The following PEBP4 variants were observed in gnomAD, a reference collection of about 807,000 sequenced individuals.
The protein encoded by PEBP4 is phosphatidylethanolamine binding protein 4, also known as phosphatidylethanolamine-binding protein 4.
In PEBP4, 22 loss-of-function variants were observed where a neutral mutation model predicts 23.9. The observed-to-expected ratio is 0.92, with a 90% confidence interval of 0.66 to 1.31. PEBP4 has a LOEUF of 1.31. Among genes scored for constraint, PEBP4 ranks in the 40% most tolerant of loss-of-function variants. The probability of loss-of-function intolerance (pLI) is 0.00; values close to 1 mark genes in which losing one functional copy is unlikely to be tolerated. For missense variants in PEBP4, 324 were observed against 281.7 expected, an observed-to-expected ratio of 1.15 and a Z score of -1.07; for synonymous variants, 112 against 99.3, an observed-to-expected ratio of 1.13 and a Z score of -0.76.
At chr8:22,774,014 C>T (rs1411400521) in intron 4 of PEBP4, among the ~76,000 whole-genome samples, 1 of 152,154 alleles carries the variant, frequency 6.6e-6, no homozygotes, top group Non-Finnish European at 1.5e-5. Context: ...CTCCAACCTC[C>T]GAGATACTCA....
At chr8:22,916,652 A>ATTCC (rs1254444529) in intron 3 of PEBP4, among the ~76,000 whole-genome samples, 73 of 150,012 alleles carry the variant, frequency 4.9e-4, no homozygotes, top group African/African-American at 1.6e-3. Context: ...CATGTCATTC[A>ATTCC]TTCATTCATT....
intron 4 of PEBP4, chr8:22,745,687 C>G (rs1805098422): frequency 6.6e-6 from 1 of 152,266 alleles, no homozygotes; most frequent in Admixed American, 6.5e-5. Context: ...TGCCTCTCCT[C>G]TGCCTGAGAG....
chr8:22,779,083 G>A (rs1805868897), intron 4 of PEBP4, among the ~76,000 whole-genome samples: 2 of 140,286 alleles, frequency 1.4e-5, no homozygotes, highest in Middle Eastern at 3.6e-3. Flanking sequence ...GGAGGTGGGG[G>A]AGGAGGGGGA....
chr8:22,860,207 C>CATATATATGTATATATATAT lies in PEBP4; in HGVS notation c.259-42473_259-42472insATATATATATACATATATAT, dbSNP rs1222128699. Among the ~76,000 whole-genome samples, 9 of 135,864 alleles carry CATATATATGTATATATATAT rather than the reference C, an allele frequency of 6.6e-5. 1 individual carries two copies. Among genetic ancestry groups the CATATATATGTATATATATAT allele is most frequent in the Admixed American group, 1.5e-4 (2 of 13,564 alleles). The allele number at this position is 135,864 out of a possible 152,430, so 89.1% of individuals were successfully genotyped here. ...ACATATATATGTATATATATATATA[C>CATATATATGTATATATATAT]ACATATATGTATATATATATATGGT... On this transcript the variant is annotated intron_variant, in intron 3 of 6. Coordinates refer to ENST00000256404, the MANE Select transcript of PEBP4 (RefSeq NM_144962.3).
chr8:22,789,744 C>T (rs1806098904), intron 4 of PEBP4, among the ~76,000 whole-genome samples: 1 of 152,202 alleles, frequency 6.6e-6, no homozygotes, highest in Non-Finnish European at 1.5e-5. Context: ...TGGATGCTCA[C>T]CTTGTCAAAC....
chr8:22,810,199 C>T (rs899698863), intron 4 of PEBP4, among the ~76,000 whole-genome samples: 1 of 152,178 alleles, frequency 6.6e-6, no homozygotes, highest in Non-Finnish European at 1.5e-5. Flanking sequence ...AATAGGCTAG[C>T]CTTTCCTACT....
At chr8:22,733,912 T>A (rs1804795059) in intron 4 of PEBP4, among the ~76,000 whole-genome samples, 1 of 151,058 alleles carries the variant, frequency 6.6e-6, no homozygotes, top group Non-Finnish European at 1.5e-5. Flanking sequence ...CAGAAAGGTG[T>A]CATGGAGATA....
At chr8:22,816,329 C>A (rs926789993) in intron 4 of PEBP4, among the ~76,000 whole-genome samples, 3 of 152,182 alleles carry the variant, frequency 2.0e-5, no homozygotes, top group Admixed American at 6.5e-5. Context: ...TCTAAGGATG[C>A]CTGTCCACCT....
At chr8:22,767,575 G>A (rs1242520720) in intron 4 of PEBP4, among the ~76,000 whole-genome samples, 1 of 152,100 alleles carries the variant, frequency 6.6e-6, no homozygotes, top group Non-Finnish European at 1.5e-5. Context: ...CTGATTGACA[G>A]TGATAAGAGT....
At chr8:22,791,553 C>T (rs926723181) in intron 4 of PEBP4, among the ~76,000 whole-genome samples, 1 of 151,966 alleles carries the variant, frequency 6.6e-6, no homozygotes, top group African/African-American at 2.4e-5. Flanking sequence ...TCTGTGCGTT[C>T]GCGCGTGCTT....
intron 3 of PEBP4, among the ~76,000 whole-genome samples, chr8:22,898,576 G>A (rs1054654762): frequency 7.2e-5 from 11 of 152,082 alleles, no homozygotes; most frequent in Admixed American, 2.6e-4. Context: ...TCTGGTTTGC[G>A]GTAAGTTTAG....
intron 3 of PEBP4, among the ~76,000 whole-genome samples, chr8:22,912,153 G>C (rs1459824043): frequency 6.6e-6 from 1 of 152,196 alleles, no homozygotes; most frequent in African/African-American, 2.4e-5. Context: ...ATTAAGACTG[G>C]GAATCCTCCT....
At chr8:22,841,353 G>A (rs1201429875) in intron 3 of PEBP4, among the ~76,000 whole-genome samples, 1 of 152,254 alleles carries the variant, frequency 6.6e-6, no homozygotes, top group African/African-American at 2.4e-5. Context: ...AACTTAGTGG[G>A]AAAGGAAATT....
intron 4 of PEBP4, among the ~76,000 whole-genome samples, chr8:22,767,613 T>C (rs1333257268): frequency 1.3e-5 from 2 of 151,900 alleles, no homozygotes; most frequent in Non-Finnish European, 2.9e-5. Context: ...GCCGGGGGTA[T>C]ATGGATGGGG....
At chr8:22,731,348 C>G (rs558071424) in intron 4 of PEBP4, among the ~76,000 whole-genome samples, 1 of 152,266 alleles carries the variant, frequency 6.6e-6, no homozygotes, top group Admixed American at 6.5e-5. Flanking sequence ...AGGATGGAGA[C>G]CTTTATGATG....
Position 22,817,714 on chromosome 8 carries a change from T to A in PEBP4, c.280A>T (p.Met94Leu). ...CTGCTAGGGGCATCTGGATCCACCA[T>A]CACCAGGATATAGGTTGCGCCCTGT... ...AVDGATYILV[M>L]VDPDAPSRAE... is the part of the protein sequence containing the mutation. The change falls in exon 4 of 7, where the codon ATG becomes TTG. Residue 94 changes from methionine (M) to leucine (L), a missense_variant. By Grantham distance (15) the Met-to-Leu change is conservative. Transcript: ENST00000256404. The A allele has an allele frequency of 6.2e-7, 1 of 1,614,192 alleles. No individual in the cohort carries two copies. The highest frequency in any genetic ancestry group is 8.5e-7 in the Non-Finnish European group (1 of 1,180,030).
chr8:22,720,559 A>G (rs1398430586), intron 6 of PEBP4, among the ~76,000 whole-genome samples: 1 of 152,236 alleles, frequency 6.6e-6, no homozygotes, highest in Non-Finnish European at 1.5e-5. Context: ...GTGTTCACTT[A>G]GAATCAGAGG....
rs181746019 is a variant in PEBP4, at chr8:22,778,328, C to T, written c.357+39309G>A. 1.7e-4 allele frequency among the ~76,000 whole-genome samples: 26 copies of T among 152,050 alleles called. No individual in the cohort carries two copies. The East Asian group carries it at 3.9e-3, about 23-fold the overall frequency. ...CCATGTGAGACTGGATCCTGTTGCC[C>T]GGAAGATGCCCCACTTAGTCCTCTT... is the stretch of plus-strand genomic sequence containing the variant. On this transcript the variant is annotated intron_variant, in intron 4 of 6. Transcript: ENST00000256404.
chr8:22,861,914 G>A (rs946286684), intron 3 of PEBP4, among the ~76,000 whole-genome samples: 5 of 152,136 alleles, frequency 3.3e-5, no homozygotes, highest in Admixed American at 6.5e-5. Flanking sequence ...AATTTGTGAG[G>A]AGAGTTTGAG....
Sources: gnomAD v4.1 joint callset for allele counts (sites outside exome capture counted in the v4.1 genomes callset) on GRCh38, gnomAD v4.1.1 for gene constraint, MANE v1.5 for transcripts, NCBI Gene and HGNC (gene_info 2026-07-23, HGNC 2026-07-21) for gene names.